SHANK2: variants seen among roughly 807,000 people sequenced by gnomAD.
SHANK2 encodes the protein SH3 and multiple ankyrin repeat domains protein 2.
SHANK2 carries 43 observed loss-of-function variants against 133.7 expected under a neutral mutation model. That is an observed-to-expected ratio of 0.32 (90% confidence interval 0.25 to 0.41). The LOEUF (loss-of-function observed/expected upper bound fraction) is 0.41, where lower values mean the gene tolerates loss of function less well. SHANK2 is among the 10% of genes least tolerant of loss of function. The pLI is 1.00. For missense variants in SHANK2, 1,994 were observed against 2,235.8 expected, an observed-to-expected ratio of 0.89 and a Z score of 2.18; for synonymous variants, 1,017 against 952.8, an observed-to-expected ratio of 1.07 and a Z score of -1.24.
chr11:71,095,575 G>A (rs1030860102), intron 6 of SHANK2, among the ~76,000 whole-genome samples: 1 of 152,194 alleles, frequency 6.6e-6, no homozygotes, highest in Non-Finnish European at 1.5e-5. Flanking sequence ...CGGTCTCGAA[G>A]CACATTCCAG....
chr11:70,732,488 C>T (rs1555032485), intron 14 of SHANK2, among the ~76,000 whole-genome samples: 1 of 152,216 alleles, frequency 6.6e-6, no homozygotes, highest in African/African-American at 2.4e-5. Context: ...CCTGCTCAGA[C>T]CCTTGCATGG....
chr11:70,854,358 C>T (rs1287915646), intron 11 of SHANK2, among the ~76,000 whole-genome samples: 2 of 152,192 alleles, frequency 1.3e-5, no homozygotes, highest in African/African-American at 4.8e-5. Flanking sequence ...TGGCTCATGG[C>T]CCAAGAAACC....
chr11:70,708,322 G>A (rs957948125), intron 14 of SHANK2, among the ~76,000 whole-genome samples: 19 of 152,112 alleles, frequency 1.2e-4, no homozygotes, highest in African/African-American at 4.3e-4. Context: ...TTCTCCTGAT[G>A]GACGGCCCTG....
chr11:70,632,085 G>A (rs1276522963), intron 17 of SHANK2, among the ~76,000 whole-genome samples: 4 of 152,200 alleles, frequency 2.6e-5, no homozygotes, highest in African/African-American at 9.6e-5. Flanking sequence ...ATTAGAATGC[G>A]ATTTGTCCTT....
intron 3 of SHANK2, among the ~76,000 whole-genome samples, chr11:71,130,409 A>T (rs1177392113): frequency 1.3e-5 from 2 of 152,212 alleles, no homozygotes; most frequent in Non-Finnish European, 2.9e-5. Flanking sequence ...ATGTAGCAAG[A>T]AGAGTTTCCT....
intron 14 of SHANK2, among the ~76,000 whole-genome samples, chr11:70,728,559 T>G (rs537905793): frequency 6.6e-6 from 1 of 152,360 alleles, no homozygotes; most frequent in African/African-American, 2.4e-5. Context: ...GGAACGGGGC[T>G]GGGCTTTTTG....
intron 17 of SHANK2, among the ~76,000 whole-genome samples, chr11:70,626,821 G>A (rs1377904636): frequency 6.6e-6 from 1 of 152,212 alleles, no homozygotes; most frequent in Non-Finnish European, 1.5e-5. Flanking sequence ...GGCCTCTGTT[G>A]CTGTAGTGGA....
chr11:70,530,458 C>G (rs1434163573), intron 17 of SHANK2, among the ~76,000 whole-genome samples: 1 of 152,080 alleles, frequency 6.6e-6, no homozygotes, highest in Non-Finnish European at 1.5e-5. Flanking sequence ...ATTGCTTGAG[C>G]CCGGGAATTT....
intron 14 of SHANK2, among the ~76,000 whole-genome samples, chr11:70,748,283 G>A (rs1314895311): frequency 6.6e-6 from 1 of 152,206 alleles, no homozygotes; most frequent in African/African-American, 2.4e-5. Context: ...GAGACACGCT[G>A]TTCTGAAAGC....
At chr11:71,059,983 C>T (rs1950968330) in intron 9 of SHANK2, among the ~76,000 whole-genome samples, 1 of 152,180 alleles carries the variant, frequency 6.6e-6, no homozygotes, top group African/African-American at 2.4e-5. Flanking sequence ...ACAGACCGTG[C>T]TGAGTGTTCT....
At chr11:70,874,459 C>T (rs1461927889) in intron 11 of SHANK2, among the ~76,000 whole-genome samples, 3 of 152,182 alleles carry the variant, frequency 2.0e-5, no homozygotes, top group Non-Finnish European at 2.9e-5. Flanking sequence ...CCTCCTGCCT[C>T]AGCCTCCTGA....
chr11:70,636,232 TGA>T (rs2061079105), intron 17 of SHANK2, among the ~76,000 whole-genome samples: 1 of 152,232 alleles, frequency 6.6e-6, no homozygotes, highest in African/African-American at 2.4e-5. Context: ...TGTGTGAATG[TGA>T]GTCTGAGTGT....
chr11:70,565,768 G>A (rs2136150599), intron 17 of SHANK2, among the ~76,000 whole-genome samples: 1 of 152,278 alleles, frequency 6.6e-6, no homozygotes. Flanking sequence ...ATGAGGAAAG[G>A]TAAATCCAGT....
intron 11 of SHANK2, among the ~76,000 whole-genome samples, chr11:70,894,479 G>A (rs935279644): frequency 1.3e-5 from 2 of 152,142 alleles, no homozygotes; most frequent in African/African-American, 2.4e-5. Context: ...GAGACACCGC[G>A]CCTGGCCCCT....
intron 21 of SHANK2, among the ~76,000 whole-genome samples, chr11:70,493,563 T>C (rs111396595): frequency 9.2e-5 from 14 of 151,778 alleles, no homozygotes; most frequent in African/African-American, 3.4e-4. Flanking sequence ...CATAAGGGTG[T>C]GTCTAAGGCT....
intron 17 of SHANK2, among the ~76,000 whole-genome samples, chr11:70,624,435 C>T (rs1368343431): frequency 6.6e-6 from 1 of 152,006 alleles, no homozygotes; most frequent in Admixed American, 6.5e-5. Flanking sequence ...AGAGGAACAA[C>T]CATCCCCTCC....
intron 17 of SHANK2, among the ~76,000 whole-genome samples, chr11:70,624,724 C>T (rs1456137809): frequency 6.6e-6 from 1 of 152,082 alleles, no homozygotes; most frequent in Non-Finnish European, 1.5e-5. Context: ...AGAGGCCAGG[C>T]TGCTGCTGGA....
At chr11:70,941,452 C>T (rs1227340313) in intron 10 of SHANK2, among the ~76,000 whole-genome samples, 3 of 152,188 alleles carry the variant, frequency 2.0e-5, no homozygotes, top group African/African-American at 7.2e-5. Context: ...AACATATCTC[C>T]TAAACTTGCT....
chr11:70,797,699 G>C (rs1947943132), intron 14 of SHANK2, among the ~76,000 whole-genome samples: 7 of 152,214 alleles, frequency 4.6e-5, no homozygotes. Context: ...TGCATGGTTG[G>C]TGGCCGCAGC....
Sources: allele counts gnomAD v4.1 joint callset (sites outside exome capture counted in the v4.1 genomes callset), GRCh38; gene constraint gnomAD v4.1.1; transcripts MANE v1.5; gene names NCBI Gene and HGNC (gene_info 2026-07-23, HGNC 2026-07-21).